PIK3CD: variants seen among roughly 807,000 people sequenced by gnomAD.
The protein encoded by PIK3CD is phosphatidylinositol 4,5-bisphosphate 3-kinase catalytic subunit delta isoform.
A neutral mutation model predicts 122.9 loss-of-function variants in PIK3CD; 20 were observed. The observed-to-expected ratio is 0.16, with a 90% CI of 0.11 to 0.24. PIK3CD has a LOEUF of 0.24. PIK3CD is among the 10% of genes least tolerant of loss of function. PIK3CD has a pLI of 1.00. For synonymous variants in PIK3CD, 596 were observed against 593.4 expected (o/e 1.00, Z -0.06); for missense variants, 787 against 1,406.3 (o/e 0.56, Z 7.04).
intron 1 of PIK3CD, among the ~76,000 whole-genome samples, chr1:9,655,450 C>T (rs1191579011): frequency 7.7e-6 from 1 of 129,862 alleles, no homozygotes; most frequent in East Asian, 2.4e-4. Context: ...CCCCCCGCCC[C>T]CCCCCCTTTT....
rs773000728 is a variant in PIK3CD, at chr1:9,654,180, A to C, written c.-138+2378A>C. 4 of 1,354,400 alleles carry C rather than the reference A, an allele frequency of 3.0e-6. No homozygotes were observed. In the Admixed American group the frequency reaches 7.7e-5, roughly 26 times the overall value. 83.9% of individuals were successfully genotyped at this position (1,354,400 alleles called of 1,614,324 possible). A position where few individuals can be genotyped will look rare whatever the true frequency, so the allele number is the denominator to read the frequency against. On this transcript the variant is annotated intron_variant, in intron 1 of 23. Transcript: ENST00000377346. ...CAGCCCCTGTTCAGAAACAGACTAC[A>C]TTGGCCACACTACTCACTTAGATGT...
At chr1:9,711,622 G>A (rs1647055502) in intron 3 of PIK3CD, among the ~76,000 whole-genome samples, 3 of 151,782 alleles carry the variant, frequency 2.0e-5, no homozygotes, top group Admixed American at 2.0e-4. Context: ...TGCCCAGCCT[G>A]GAGTGCAGTA....
chr1:9,675,020 A>G (rs991920259), intron 1 of PIK3CD, among the ~76,000 whole-genome samples: 9 of 127,300 alleles, frequency 7.1e-5, no homozygotes, highest in African/African-American at 2.8e-4. Context: ...TGGGCAATGT[A>G]AAAAAAAAAA....
chr1:9,645,195 G>A, the PIK3CD span, among the ~76,000 whole-genome samples: 1 of 151,572 alleles, frequency 6.6e-6, no homozygotes, highest in Non-Finnish European at 1.5e-5. Flanking sequence ...TAATTTTTGT[G>A]TTTTAGTAGA....
intron 2 of PIK3CD, among the ~76,000 whole-genome samples, chr1:9,701,998 G>GT (rs1557642866): frequency 1.3e-5 from 2 of 150,170 alleles, no homozygotes; most frequent in African/African-American, 5.0e-5. Context: ...TTGTTTTTTT[G>GT]GTTTTTTTTT....
chr1:9,727,104 A>AC lies in PIK3CD; in HGVS notation c.*59dup. On this transcript the variant is annotated 3_prime_UTR_variant, in exon 24 of 24. Transcript: ENST00000377346. ...CGGCTGCGGGTCGTGGGGACCAAGCACATTGGTCCTAAAGGGGCTGAAGAG... is the reference window on the plus strand; with the variant it reads ...CGGCTGCGGGTCGTGGGGACCAAGCACCATTGGTCCTAAAGGGGCTGAAGAG... The AC allele has an allele frequency of 1.2e-6, 2 of 1,600,288 alleles. No homozygotes were observed. Among genetic ancestry groups the AC allele is most frequent in the East Asian group, 2.2e-5 (1 of 44,756 alleles).
intron 1 of PIK3CD, among the ~76,000 whole-genome samples, chr1:9,687,956 C>T (rs965685236): frequency 1.3e-5 from 2 of 151,926 alleles, no homozygotes; most frequent in African/African-American, 2.4e-5. Flanking sequence ...GGCAAGGCTG[C>T]CGGGTGCTGG....
Position 9,723,245 on chromosome 1 carries a change from C to T in PIK3CD, c.2547C>T (p.Ala849=), listed in dbSNP as rs1648971857. The change falls in exon 20 of 24, where the codon GCC becomes GCT. Residue 849 remains alanine (A), a synonymous_variant. Coordinates refer to ENST00000377346, the MANE Select transcript of PIK3CD (RefSeq NM_005026.5). The surrounding 1 kb of genome is among the most constrained non-coding windows in gnomAD (Gnocchi z 4.9). ...AGAGCAACATGGCAGCCACAGCCGC[C>T]TTCAACAAGGATGCCCTGCTCAACT... ...LNKSNMAATA[A]FNKDALLNWL... The T allele has an allele frequency of 1.9e-6, 3 of 1,613,986 alleles. No homozygotes were observed. Among genetic ancestry groups the T allele is most frequent in the South Asian group, 1.1e-5 (1 of 91,094 alleles).
rs1650051438 is a variant in PIK3CD at position 9,728,555 on chromosome 1, C to T, written c.*1509C>T. ...CTCAGGTGCCAGCTCTGTTCTGATT[C>T]ACCAGGGGTCCGTCAGTAGTCATTG... is the stretch of plus-strand genomic sequence containing the variant. On this transcript the variant is annotated 3_prime_UTR_variant, in exon 24 of 24. Transcript: ENST00000377346. 6.6e-6 allele frequency: 1 copy of T among 152,286 alleles called. No individual in the cohort carries two copies. The highest frequency in any genetic ancestry group is 6.5e-5 in the Admixed American group (1 of 15,288). 9.4% of individuals were successfully genotyped at this position (152,286 alleles called of 1,614,324 possible). A position where few individuals can be genotyped will look rare whatever the true frequency, so the allele number is the denominator to read the frequency against.
chr1:9,682,316 C>CAGCTCACT (rs1172827760), intron 1 of PIK3CD, among the ~76,000 whole-genome samples: 1 of 152,102 alleles, frequency 6.6e-6, no homozygotes, highest in Non-Finnish European at 1.5e-5. Context: ...GGCGCCATCT[C>CAGCTCACT]AGCTCACTAC....
At chr1:9,635,878 CAT>C in the PIK3CD span, among the ~76,000 whole-genome samples, 7 of 152,340 alleles carry the variant, frequency 4.6e-5, no homozygotes, top group African/African-American at 1.2e-4. Context: ...AGCAGGCAGA[CAT>C]GTGAGCATCT....
At chr1:9,636,198 C>T in the PIK3CD span, among the ~76,000 whole-genome samples, 1 of 151,996 alleles carries the variant, frequency 6.6e-6, no homozygotes, top group Non-Finnish European at 1.5e-5. Flanking sequence ...AACAATTCTG[C>T]ATTTTTTTGG....
chr1:9,657,309 T>C (rs1644885673), intron 1 of PIK3CD, among the ~76,000 whole-genome samples: 1 of 152,222 alleles, frequency 6.6e-6, no homozygotes, highest in African/African-American at 2.4e-5. Context: ...GTCCAGGTCC[T>C]GGGGGTTAAG....
the PIK3CD span, among the ~76,000 whole-genome samples, chr1:9,642,111 T>A: frequency 2.6e-5 from 4 of 152,056 alleles, no homozygotes; most frequent in Non-Finnish European, 4.4e-5. Context: ...TTAATTTAAT[T>A]TAATTAACTT....
In PIK3CD at chr1:9,728,305, A is replaced by C. The variant is rs1030906481; in HGVS notation, c.*1259A>C. 1.3e-5 allele frequency: 2 copies of C among 152,212 alleles called. No individual in the cohort carries two copies. 9.4% of individuals were successfully genotyped at this position (152,212 alleles called of 1,614,324 possible). ...GGTGCAGGCTTAGTCTTAAGCCTCC[A>C]AAGGCCTGGATTTGAGCAGCTTTAG... On this transcript the variant is annotated 3_prime_UTR_variant, in exon 24 of 24. Transcript: ENST00000377346.
At chr1:9,635,245 A>T in the PIK3CD span, among the ~76,000 whole-genome samples, 2 of 148,914 alleles carry the variant, frequency 1.3e-5, no homozygotes, top group Admixed American at 1.3e-4. Flanking sequence ...ACTGTACTCC[A>T]GCCTGGGCAA....
At chr1:9,696,148 T>G (rs921139213) in intron 2 of PIK3CD, among the ~76,000 whole-genome samples, 2 of 151,848 alleles carry the variant, frequency 1.3e-5, no homozygotes, top group Non-Finnish European at 2.9e-5. Flanking sequence ...ATTTTTATCC[T>G]TTTTGTAGAG....
rs1553171598 is a variant in PIK3CD, at chr1:9,723,551, G to GCAGCTGGGGCTGGGCT, written c.2594+264_2594+279dup. On this transcript the variant is annotated intron_variant, in intron 20 of 23. Transcript: ENST00000377346. The surrounding 1 kb of genome is among the most constrained non-coding windows in gnomAD (Gnocchi z 4.9). ...CCATTTACGATTGGCTCACAGATCT[G>GCAGCTGGGGCTGGGCT]CAGCTGGGGCTGGGCTCAGCCGGGT... 6.6e-6 allele frequency among the ~76,000 whole-genome samples: 1 copy of GCAGCTGGGGCTGGGCT among 152,198 alleles called. No individual in the cohort carries two copies. The highest frequency in any genetic ancestry group is 1.5e-5 in the Non-Finnish European group (1 of 68,040).
At chr1:9,713,243 G>A (rs180865696) in intron 3 of PIK3CD, among the ~76,000 whole-genome samples, 6 of 152,274 alleles carry the variant, frequency 3.9e-5, no homozygotes, top group African/African-American at 1.4e-4. Flanking sequence ...TCAGGAAGCT[G>A]AGGCAGGAGG....
Sources: gnomAD v4.1 joint callset for allele counts (sites outside exome capture counted in the v4.1 genomes callset) on GRCh38, gnomAD v4.1.1 for gene constraint, Gnocchi (gnomAD v3.1) non-coding constraint, MANE v1.5 for transcripts, NCBI Gene and HGNC (gene_info 2026-07-23, HGNC 2026-07-21) for gene names.